Variants in TRDN observed in about 807,000 individuals in gnomAD.
The protein encoded by TRDN is triadin in skeletal muscle.
TRDN carries 161 observed loss-of-function variants against 149.7 expected under a neutral mutation model. The observed-to-expected ratio is 1.08, with a 90% CI of 0.95 to 1.23. The LOEUF is 1.23. Ranked by LOEUF, TRDN falls within the 50% of genes most tolerant of loss-of-function variation. TRDN has a pLI of 0.00. For synonymous variants in TRDN, 294 were observed against 250.5 expected (o/e 1.17, Z -1.64); for missense variants, 896 against 823.5 (o/e 1.09, Z -1.08).
chr6:123,405,349 T>G (rs1773152086), intron 12 of TRDN, among the ~76,000 whole-genome samples: 1 of 152,202 alleles, frequency 6.6e-6, no homozygotes. Context: ...AAATCTACTT[T>G]TACAGCTACT....
At chr6:123,421,066 C>T (rs1344211159) in intron 12 of TRDN, among the ~76,000 whole-genome samples, 1 of 152,300 alleles carries the variant, frequency 6.6e-6, no homozygotes, top group South Asian at 2.1e-4. Flanking sequence ...GCAGAGATCA[C>T]AAAATTCTCT....
At chr6:123,469,000 A>G (rs1380585658) in intron 9 of TRDN, 6 of 152,214 alleles carry the variant, frequency 3.9e-5, no homozygotes, top group South Asian at 2.1e-4. Context: ...ATATGAAATC[A>G]TTACAAATCC....
intron 24 of TRDN, among the ~76,000 whole-genome samples, chr6:123,312,678 T>G (rs1248389248): frequency 6.6e-6 from 1 of 152,004 alleles, no homozygotes; most frequent in Non-Finnish European, 1.5e-5. Flanking sequence ...TGTATATTCC[T>G]GAATTTCTAG....
chr6:123,485,554 G>C (rs995756115), intron 9 of TRDN, among the ~76,000 whole-genome samples: 12 of 152,062 alleles, frequency 7.9e-5, no homozygotes, highest in Non-Finnish European at 1.3e-4. Flanking sequence ...TCTAGGGAGA[G>C]AATAATAATG....
chr6:123,416,231 T>A (rs1382531184), intron 12 of TRDN, among the ~76,000 whole-genome samples: 1 of 152,198 alleles, frequency 6.6e-6, no homozygotes, highest in African/African-American at 2.4e-5. Context: ...AAATGATCTG[T>A]ACTCAGGCCC....
chr6:123,361,290 A>G (rs1180368942), intron 20 of TRDN, among the ~76,000 whole-genome samples: 1 of 152,078 alleles, frequency 6.6e-6, no homozygotes, highest in Admixed American at 6.6e-5. Flanking sequence ...AGAACAGAAA[A>G]CCAACATTGC....
chr6:123,433,162 A>ATATT (rs796874348), intron 12 of TRDN, among the ~76,000 whole-genome samples: 4 of 80,034 alleles, frequency 5.0e-5, no homozygotes, highest in Admixed American at 2.7e-4. Context: ...ATATATATAT[A>ATATT]ATATATATAT....
At chr6:123,449,740 A>G (rs9490761) in intron 10 of TRDN, among the ~76,000 whole-genome samples, 22,957 of 152,138 alleles carry the variant, frequency 0.15, 2,250 homozygotes, top group African/African-American at 0.28. Flanking sequence ...TTCATTGCAA[A>G]AAGATCATCA....
intron 20 of TRDN, among the ~76,000 whole-genome samples, chr6:123,361,545 A>G (rs1780905765): frequency 6.6e-6 from 1 of 152,062 alleles, no homozygotes; most frequent in Non-Finnish European, 1.5e-5. Flanking sequence ...AGAGAGATGG[A>G]TATGGGTTAA....
chr6:123,399,631 T>C (rs1344753909), intron 12 of TRDN, among the ~76,000 whole-genome samples: 1 of 152,184 alleles, frequency 6.6e-6, no homozygotes, highest in Non-Finnish European at 1.5e-5. Context: ...GGGTCCTAGA[T>C]GTTTTTGCCT....
intron 12 of TRDN, among the ~76,000 whole-genome samples, chr6:123,406,309 A>G (rs1171293002): frequency 1.3e-5 from 2 of 152,172 alleles, no homozygotes; most frequent in African/African-American, 4.8e-5. Context: ...TATTATTTGA[A>G]TAAAAAGTTA....
intron 10 of TRDN, among the ~76,000 whole-genome samples, chr6:123,444,352 AT>A (rs1457225688): frequency 7.9e-6 from 1 of 126,088 alleles, no homozygotes; most frequent in African/African-American, 3.3e-5. Flanking sequence ...AATGCTTGTG[AT>A]TTTTGTACAT....
intron 38 of TRDN, among the ~76,000 whole-genome samples, chr6:123,225,956 TG>T (rs1450883096): frequency 6.6e-6 from 1 of 151,850 alleles, no homozygotes; most frequent in African/African-American, 2.4e-5. Flanking sequence ...GCATACTAAC[TG>T]TTCACTAATA....
At chr6:123,487,775 C>A (rs909005421) in intron 9 of TRDN, among the ~76,000 whole-genome samples, 2 of 152,082 alleles carry the variant, frequency 1.3e-5, no homozygotes, top group Non-Finnish European at 2.9e-5. Context: ...TGTTCGCATT[C>A]ATTTTCTCCT....
At chr6:123,272,121 A>G (rs764650178) in intron 29 of TRDN, among the ~76,000 whole-genome samples, 77 of 152,070 alleles carry the variant, frequency 5.1e-4, no homozygotes, top group Non-Finnish European at 8.7e-4. Context: ...TTAAAAGCAT[A>G]TGCAAAACAA....
chr6:123,298,145 A>G (rs1778272028), intron 24 of TRDN, among the ~76,000 whole-genome samples: 1 of 152,116 alleles, frequency 6.6e-6, no homozygotes, highest in African/African-American at 2.4e-5. Flanking sequence ...CAAATAGTAC[A>G]TAAGCATGGT....
intron 20 of TRDN, 24 bp downstream of exon 20, chr6:123,366,111 T>A: frequency 6.3e-7 from 1 of 1,595,424 alleles, no homozygotes; most frequent in Non-Finnish European, 8.6e-7. Context: ...AGTTATGACA[T>A]CTTTATCTTT....
At chr6:123,540,972 A>G (rs1266775011) in intron 4 of TRDN, among the ~76,000 whole-genome samples, 1 of 152,192 alleles carries the variant, frequency 6.6e-6, no homozygotes, top group Admixed American at 6.5e-5. Flanking sequence ...ATGAAAATCT[A>G]TAATTTAAAA....
chr6:123,535,512 G>C (rs1324947993), intron 4 of TRDN, among the ~76,000 whole-genome samples: 1 of 152,070 alleles, frequency 6.6e-6, no homozygotes, highest in East Asian at 1.9e-4. Context: ...AAGACTAAAA[G>C]CTTTTGAAAT....
Sources: allele counts gnomAD v4.1 joint callset (sites outside exome capture counted in the v4.1 genomes callset), GRCh38; gene constraint gnomAD v4.1.1; transcripts MANE v1.5; gene names NCBI Gene and HGNC (gene_info 2026-07-23, HGNC 2026-07-21).